FAM174B: variants seen among roughly 807,000 people sequenced by gnomAD.
The protein encoded by FAM174B is membrane protein FAM174B.
Under a neutral mutation model 10.9 loss-of-function variants are expected in FAM174B, and 12 were observed. The observed-to-expected ratio is 1.10, with a 90% CI of 0.71 to 1.79. FAM174B has a LOEUF of 1.79. Among genes scored for constraint, FAM174B ranks in the 40% most tolerant of loss-of-function variants. The probability of loss-of-function intolerance (pLI) is 0.00; values close to 1 mark genes in which losing one functional copy is unlikely to be tolerated. For missense variants in FAM174B, 266 were observed against 233.3 expected (o/e 1.14, Z -0.91); for synonymous variants, 132 against 115.8 (o/e 1.14, Z -0.90).
intron 2 of FAM174B, among the ~76,000 whole-genome samples, chr15:92,622,149 ATC>A (rs1197883233): frequency 3.9e-5 from 6 of 152,246 alleles, no homozygotes; most frequent in Non-Finnish European, 7.3e-5. Flanking sequence ...GTGTCTGGGC[ATC>A]CCACGGGACT....
chr15:92,630,873 T>TATATTACATATTACATGTTACATATTAC (rs2050792729), intron 1 of FAM174B, among the ~76,000 whole-genome samples: 1 of 46,908 alleles, frequency 2.1e-5, no homozygotes, highest in African/African-American at 4.8e-5. Flanking sequence ...TTACATATTA[T>TATATTACATATTACATGTTACATATTAC]ATATTATATA....
intron 1 of FAM174B, among the ~76,000 whole-genome samples, chr15:92,645,065 G>T (rs979367419): frequency 3.3e-5 from 5 of 152,204 alleles, no homozygotes; most frequent in Non-Finnish European, 7.3e-5. Flanking sequence ...TCTGACCATG[G>T]TTCATTAGGT....
At chr15:92,625,922 C>CA (rs1349888842) in intron 2 of FAM174B, among the ~76,000 whole-genome samples, 1 of 152,084 alleles carries the variant, frequency 6.6e-6, no homozygotes, top group Non-Finnish European at 1.5e-5. Context: ...ATTTCAACCA[C>CA]AAACAGCACA....
intron 1 of FAM174B, among the ~76,000 whole-genome samples, chr15:92,637,142 C>A (rs2050861195): frequency 6.6e-6 from 1 of 152,188 alleles, no homozygotes; most frequent in South Asian, 2.1e-4. Context: ...GCATTGCTAC[C>A]CCCCAGGCCA....
Position 92,630,308 on chromosome 15 carries a change from T to C in FAM174B, c.382A>G (p.Ile128Val), listed in dbSNP as rs1447683740. 4 of 1,613,716 alleles carry C rather than the reference T, an allele frequency of 2.5e-6. No homozygotes were observed. The highest frequency in any genetic ancestry group is 2.2e-5 in the South Asian group (2 of 91,052). Reference protein sequence around the residue: ...KRLKKTRKYDIITTPAERVEM... With the variant: ...KRLKKTRKYDVITTPAERVEM... ...ACTCGCTCTGCTGGAGTGGTGATGA[T>C]ATCATACTTGCGTGTCTTCTTTAAC... The change falls in exon 2 of 3, where the codon ATC (isoleucine) becomes GTC (valine). Residue 128 changes from isoleucine (I) to valine (V), a missense_variant. Ile to Val is a conservative substitution (Grantham distance 29). Transcript: ENST00000327355.
At chr15:92,640,477 A>G (rs1006363802) in intron 1 of FAM174B, among the ~76,000 whole-genome samples, 10 of 142,350 alleles carry the variant, frequency 7.0e-5, no homozygotes, top group Admixed American at 6.0e-4. Flanking sequence ...GCTTGAGCCC[A>G]TGAGACATAG....
At chr15:92,619,523 C>A in intron 2 of FAM174B, 64 bp from the exon 3 acceptor site, 1 of 1,569,632 alleles carries the variant, frequency 6.4e-7, no homozygotes, top group Non-Finnish European at 8.7e-7. Flanking sequence ...ATTCTGACCC[C>A]TCCTGAACAT....
At chr15:92,619,572 G>C in intron 2 of FAM174B, 113 bp from the exon 3 acceptor site, 3 of 1,243,002 alleles carry the variant, frequency 2.4e-6, no homozygotes, top group Non-Finnish European at 3.4e-6. Flanking sequence ...AAAGGCCACA[G>C]TCCCCAGCCA....
At chr15:92,623,804 C>G (rs78160255) in intron 2 of FAM174B, among the ~76,000 whole-genome samples, 1 of 152,330 alleles carries the variant, frequency 6.6e-6, no homozygotes, top group East Asian at 1.9e-4. Context: ...GACACCACCA[C>G]CACGTGACAG....
At chr15:92,630,822 CATATTATATATTATATATATTA>C (rs2050790690) in intron 1 of FAM174B, among the ~76,000 whole-genome samples, 1 of 24,694 alleles carries the variant, frequency 4.0e-5, no homozygotes, top group Non-Finnish European at 1.5e-4. Context: ...TTATATATTA[CATATTATATATTATATATATTA>C]CATATTACAT....
At position 92,617,482 on chromosome 15, in the gene FAM174B, G is replaced by A. The variant is rs900055782; in HGVS notation, c.*1974C>T. On this transcript the variant is annotated 3_prime_UTR_variant, in exon 3 of 3. Transcript: ENST00000327355. ...AAAGGGTTTTTATTGGAGAGCCTGT[G>A]GCGCTGAAGTGCCACCAAGGATTTG... 2.4e-5 allele frequency: 12 copies of A among 500,914 alleles called. No homozygotes were observed. The highest frequency in any genetic ancestry group is 8.1e-5 in the African/African-American group (4 of 49,542). 31.0% of individuals were successfully genotyped at this position (500,914 alleles called of 1,614,324 possible).
At chr15:92,643,897 G>A (rs2050908587) in intron 1 of FAM174B, among the ~76,000 whole-genome samples, 1 of 152,184 alleles carries the variant, frequency 6.6e-6, no homozygotes, top group South Asian at 2.1e-4. Context: ...AAGTAATCAA[G>A]AAAATGAAAA....
At chr15:92,636,582 G>C (rs537702424) in intron 1 of FAM174B, among the ~76,000 whole-genome samples, 5 of 152,316 alleles carry the variant, frequency 3.3e-5, no homozygotes, top group African/African-American at 9.6e-5. Flanking sequence ...GTGGGTGAGT[G>C]AAAGTGCCGC....
At chr15:92,634,480 G>C (rs1049243919) in intron 1 of FAM174B, 1 of 152,070 alleles carries the variant, frequency 6.6e-6, no homozygotes, top group African/African-American at 2.4e-5. Context: ...TATCATTCAC[G>C]TATATAGAGT....
At chr15:92,631,902 C>T (rs2050821730) in intron 1 of FAM174B, among the ~76,000 whole-genome samples, 1 of 152,114 alleles carries the variant, frequency 6.6e-6, no homozygotes, top group African/African-American at 2.4e-5. Flanking sequence ...CGCTTGAGGG[C>T]GCCGCCCTAT....
At chr15:92,629,149 T>C (rs185489678) in intron 2 of FAM174B, among the ~76,000 whole-genome samples, 96 of 152,280 alleles carry the variant, frequency 6.3e-4, no homozygotes, top group African/African-American at 2.2e-3. Context: ...GCAGAAGCCA[T>C]GGGATCCGGG....
At chr15:92,650,485 T>C (rs1241405259) in intron 1 of FAM174B, among the ~76,000 whole-genome samples, 1 of 152,202 alleles carries the variant, frequency 6.6e-6, no homozygotes, top group African/African-American at 2.4e-5. Flanking sequence ...AACTGGAGCC[T>C]GCACCGTGGA....
chr15:92,654,620 C>A (rs549211879), intron 1 of FAM174B, among the ~76,000 whole-genome samples: 66 of 152,110 alleles, frequency 4.3e-4, no homozygotes, highest in African/African-American at 1.5e-3. Flanking sequence ...TAGGCAGGAG[C>A]CTAGGAAAGC....
At chr15:92,652,205 G>C (rs190428719) in intron 1 of FAM174B, among the ~76,000 whole-genome samples, 17 of 152,318 alleles carry the variant, frequency 1.1e-4, no homozygotes, top group Non-Finnish European at 1.8e-4. Flanking sequence ...GTCCTGCTCA[G>C]AAGAAGTTCG....
Sources: allele counts gnomAD v4.1 joint callset (sites outside exome capture counted in the v4.1 genomes callset), GRCh38; gene constraint gnomAD v4.1.1; transcripts MANE v1.5; gene names NCBI Gene and HGNC (gene_info 2026-07-23, HGNC 2026-07-21).